Variants in GANC observed in about 807,000 individuals in gnomAD.
GANC encodes the protein neutral alpha-glucosidase C.
A neutral mutation model predicts 124.2 loss-of-function variants in GANC; 117 were observed. The observed-to-expected ratio is 0.94, with a 90% CI of 0.81 to 1.10. The LOEUF (loss-of-function observed/expected upper bound fraction) is 1.10. Ranked by LOEUF, GANC falls within the 50% of genes least tolerant of loss-of-function variation. The pLI, the probability that GANC is intolerant of heterozygous loss-of-function variation, is 0.00. For missense variants in GANC, 1,140 were observed against 1,095.0 expected (o/e 1.04, Z -0.58); for synonymous variants, 377 against 376.8 (o/e 1.00, Z -0.01).
intron 22 of GANC, among the ~76,000 whole-genome samples, chr15:42,350,629 T>C (rs1219069154): frequency 6.9e-6 from 1 of 145,930 alleles, no homozygotes; most frequent in African/African-American, 2.6e-5. Flanking sequence ...CTCAGCTCAC[T>C]GCAACCTCAG....
chr15:42,295,669 CACACA>C (rs2141029929), intron 5 of GANC, among the ~76,000 whole-genome samples: 1 of 150,322 alleles, frequency 6.7e-6, no homozygotes, highest in Non-Finnish European at 1.5e-5. Context: ...CACACACACA[CACACA>C]CACACACACA....
chr15:42,335,382 A>C (rs961697819), intron 15 of GANC, among the ~76,000 whole-genome samples: 1 of 152,246 alleles, frequency 6.6e-6, no homozygotes, highest in Non-Finnish European at 1.5e-5. Flanking sequence ...TCATCTCAAT[A>C]GATGCAGAAA....
intron 15 of GANC, among the ~76,000 whole-genome samples, chr15:42,335,040 A>G (rs370022855): frequency 9.8e-4 from 150 of 152,316 alleles, no homozygotes; most frequent in African/African-American, 3.4e-3. Flanking sequence ...CCAGATGTAC[A>G]AAGGAGAGCT....
chr15:42,349,947 C>T (rs776636783), intron 22 of GANC, among the ~76,000 whole-genome samples: 20 of 151,096 alleles, frequency 1.3e-4, no homozygotes, highest in Non-Finnish European at 2.2e-4. Flanking sequence ...CCGTGCCCGG[C>T]GCATTTCTGG....
Position 42,353,210 on chromosome 15 carries a change from G to A in GANC, c.*1071G>A. On this transcript the variant is annotated 3_prime_UTR_variant, in exon 24 of 24. Transcript: ENST00000318010. ...CTCCCTGCTGCCTGCCACAGCATCT[G>A]TTTTAGCAGCCTCGACTCCTCAGCA... 10 of 985,984 alleles carry A rather than the reference G, an allele frequency of 1.0e-5. No individual in the cohort carries two copies. Among genetic ancestry groups the A allele is most frequent in the Non-Finnish European group, 1.2e-5 (10 of 830,070 alleles). The allele number at this position is 985,984 out of a possible 1,614,324, so 61.1% of individuals were successfully genotyped here.
chr15:42,308,697 G>C (rs2052022243), intron 8 of GANC, among the ~76,000 whole-genome samples: 1 of 152,158 alleles, frequency 6.6e-6, no homozygotes. Context: ...ATGTTGGCCA[G>C]GCTGGTCTTG....
chr15:42,310,668 A>G lies in GANC; in HGVS notation c.904-25A>G, dbSNP rs376380569. The G allele has an allele frequency of 1.6e-5, 26 of 1,596,970 alleles. No homozygotes were observed. The East Asian group carries it at 3.2e-4, about 19-fold the overall frequency. ...TTGCAGGTTAGAGGGAAATTTCTCAAATTTTTATTCCATTCTTTTTCCAGT... is the reference window on the plus strand; with the variant it reads ...TTGCAGGTTAGAGGGAAATTTCTCAGATTTTTATTCCATTCTTTTTCCAGT... On this transcript the variant is annotated intron_variant, in intron 9 of 23. Transcript: ENST00000318010.
chr15:42,292,540 G>A (rs148839625), intron 4 of GANC, among the ~76,000 whole-genome samples, 195 bp from the exon 5 acceptor site: 54 of 152,268 alleles, frequency 3.5e-4, no homozygotes, highest in African/African-American at 1.3e-3. Flanking sequence ...AAGTTATAAC[G>A]TATATGATAG....
chr15:42,287,436 C>A (rs1254606302), intron 3 of GANC, among the ~76,000 whole-genome samples: 1 of 152,166 alleles, frequency 6.6e-6, no homozygotes, highest in African/African-American at 2.4e-5. Context: ...TTCTTTCACT[C>A]TGAAGATCCT....
In GANC at chr15:42,352,437, G is replaced by T. The variant is rs1009920908; in HGVS notation, c.*298G>T. ...CTATTGCTTCCATTCCTTCAGCAGG[G>T]CTGCGTGGGTCTGTTTTAACGTGGG... On this transcript the variant is annotated 3_prime_UTR_variant, in exon 24 of 24. Transcript: ENST00000318010. 4.2e-5 allele frequency: 47 copies of T among 1,114,492 alleles called. No individual in the cohort carries two copies. The highest frequency in any genetic ancestry group is 5.1e-5 in the Non-Finnish European group (46 of 906,304). The allele number at this position is 1,114,492 out of a possible 1,614,324, so 69.0% of individuals were successfully genotyped here. A position where few individuals can be genotyped will look rare whatever the true frequency, so the allele number is the denominator to read the frequency against.
chr15:42,283,505 G>T, intron 3 of GANC: 1 of 626,440 alleles, frequency 1.6e-6, no homozygotes, highest in Non-Finnish European at 2.9e-6. Context: ...AGCTTAAATA[G>T]CATTGCTAGC....
At chr15:42,332,851 TAAAAAAA>T (rs5812220) in intron 15 of GANC, among the ~76,000 whole-genome samples, 1 of 120,516 alleles carries the variant, frequency 8.3e-6, no homozygotes, top group African/African-American at 3.2e-5. Flanking sequence ...CTGTCTCTAC[TAAAAAAA>T]AAAAAAAAAA....
intron 20 of GANC, among the ~76,000 whole-genome samples, 170 bp from the exon 21 acceptor site, chr15:42,347,933 C>T (rs1188212662): frequency 1.3e-5 from 2 of 152,174 alleles, no homozygotes; most frequent in Non-Finnish European, 2.9e-5. Flanking sequence ...GAGCTCTTTT[C>T]CTTTTAATGC....
intron 11 of GANC, among the ~76,000 whole-genome samples, chr15:42,322,542 C>G (rs774741497): frequency 6.6e-6 from 1 of 152,086 alleles, no homozygotes; most frequent in Non-Finnish European, 1.5e-5. Flanking sequence ...AGTTTGAACC[C>G]CCTGCTGGCA....
intron 6 of GANC, among the ~76,000 whole-genome samples, chr15:42,304,632 A>ACCAAAAAAGAGTCCATATAG (rs1395122424): frequency 6.6e-6 from 1 of 152,214 alleles, no homozygotes; most frequent in African/African-American, 2.4e-5. Context: ...TTCACAGGGA[A>ACCAAAAAAGAGTCCATATAG]CCAAAAAAGA....
At chr15:42,349,702 C>T (rs1433667074) in intron 22 of GANC, among the ~76,000 whole-genome samples, 1 of 151,958 alleles carries the variant, frequency 6.6e-6, no homozygotes, top group East Asian at 1.9e-4. Flanking sequence ...GACTAGAGTG[C>T]AGTGGCGTGA....
chr15:42,344,500 A>C (rs868741130), intron 19 of GANC, among the ~76,000 whole-genome samples: 1 of 152,150 alleles, frequency 6.6e-6, no homozygotes, highest in African/African-American at 2.4e-5. Flanking sequence ...TCTTTAACTT[A>C]ATCAAACCTG....
At chr15:42,281,216 C>T (rs1458654000) in intron 3 of GANC, 5 of 655,298 alleles carry the variant, frequency 7.6e-6, no homozygotes, top group Middle Eastern at 2.5e-4. Context: ...TTCGGGAGAT[C>T]ACCCTGAAAT....
In GANC at chr15:42,275,260, G is replaced by T. The variant is rs118013222; in HGVS notation, c.29+750G>T. ...GTGGTGATGTGGGCCTGTAGTCCCA[G>T]CTACTCAGGAGGCTGAGGCAGGAAG... On this transcript the variant is annotated intron_variant, in intron 1 of 23. Coordinates refer to ENST00000318010, the MANE Select transcript of GANC (RefSeq NM_198141.3). Among the ~76,000 whole-genome samples, 222 of 152,242 alleles carry T rather than the reference G, an allele frequency of 1.5e-3. 3 individuals are homozygous for T. In the East Asian group the frequency reaches 0.037, roughly 25 times the overall value.
Sources: gnomAD v4.1 joint callset for allele counts (sites outside exome capture counted in the v4.1 genomes callset) on GRCh38, gnomAD v4.1.1 for gene constraint, MANE v1.5 for transcripts, NCBI Gene and HGNC (gene_info 2026-07-23, HGNC 2026-07-21) for gene names.